LEPROTL1: variants seen among roughly 807,000 people sequenced by gnomAD.
LEPROTL1 encodes leptin receptor overlapping transcript-like 1.
LEPROTL1 carries 6 observed loss-of-function variants against 15.4 expected under a neutral mutation model. The ratio of observed to expected loss-of-function variants is 0.39; its 90% confidence interval spans 0.21 to 0.77. LEPROTL1 has a LOEUF of 0.77. Ranked by LOEUF, LEPROTL1 falls within the 30% of genes least tolerant of loss-of-function variation. The pLI is 0.41. For missense variants in LEPROTL1, 128 were observed against 158.1 expected, an observed-to-expected ratio of 0.81 and a Z score of 1.02; for synonymous variants, 56 against 52.6, an observed-to-expected ratio of 1.06 and a Z score of -0.28.
chr8:30,130,968 C>T (rs1419225643), intron 3 of LEPROTL1, among the ~76,000 whole-genome samples: 5 of 151,564 alleles, frequency 3.3e-5, no homozygotes, highest in Non-Finnish European at 5.9e-5. Context: ...TTAGAAGAGA[C>T]GGGGTTTCAC....
At chr8:30,103,979 A>G (rs531244843) in intron 2 of LEPROTL1, among the ~76,000 whole-genome samples, 1 of 152,294 alleles carries the variant, frequency 6.6e-6, no homozygotes, top group South Asian at 2.1e-4. Context: ...ACATAACCAT[A>G]GTTATCAAAA....
intron 3 of LEPROTL1, among the ~76,000 whole-genome samples, chr8:30,116,229 G>T (rs1011633794): frequency 4.6e-5 from 7 of 151,774 alleles, no homozygotes; most frequent in Non-Finnish European, 8.8e-5. Context: ...GACAGAGTGA[G>T]ACCCTGTCTT....
At chr8:30,125,469 T>C (rs1802890558) in intron 3 of LEPROTL1, among the ~76,000 whole-genome samples, 1 of 152,230 alleles carries the variant, frequency 6.6e-6, no homozygotes, top group Non-Finnish European at 1.5e-5. Flanking sequence ...TGCCGGGTGT[T>C]TATAAAGAAC....
At chr8:30,131,944 C>G in intron 3 of LEPROTL1, 1 of 1,541,700 alleles carries the variant, frequency 6.5e-7, no homozygotes, top group East Asian at 2.5e-5. Context: ...GGAAAGATGT[C>G]AGTTACATTT....
chr8:30,113,107 CAA>C (rs578198019), downstream of LEPROTL1, among the ~76,000 whole-genome samples: 297 of 95,396 alleles, frequency 3.1e-3, no homozygotes, highest in Non-Finnish European at 4.0e-3. Context: ...CCCGTCTCTC[CAA>C]AAAAAAAAAA....
At chr8:30,099,437 C>CAAA (rs1379040016) in intron 1 of LEPROTL1, among the ~76,000 whole-genome samples, 14 of 131,806 alleles carry the variant, frequency 1.1e-4, no homozygotes, top group African/African-American at 3.8e-4. Flanking sequence ...ACTAAAAATA[C>CAAA]AAAAAAAAAA....
At chr8:30,130,404 T>C (rs1802984267) in intron 3 of LEPROTL1, among the ~76,000 whole-genome samples, 1 of 152,200 alleles carries the variant, frequency 6.6e-6, no homozygotes, top group Non-Finnish European at 1.5e-5. Context: ...TAAAGAAAAA[T>C]GGTAATTACA....
Position 30,107,376 on chromosome 8 carries a change from TG to T in LEPROTL1, c.*1515del. 1.0e-6 allele frequency: 1 copy of T among 985,636 alleles called. No homozygotes were observed. The highest frequency in any genetic ancestry group is 1.2e-6 in the Non-Finnish European group (1 of 829,682). 61.1% of individuals were successfully genotyped at this position (985,636 alleles called of 1,614,324 possible). On this transcript the variant is annotated 3_prime_UTR_variant, in exon 4 of 4. Transcript: ENST00000321250. ...CTGACAGTATTTTGTTAAGGATATT[TG>T]TTTGTATGTTTATTCAGTATACTTA...
intron 3 of LEPROTL1, among the ~76,000 whole-genome samples, chr8:30,119,823 C>T (rs1802800825): frequency 6.6e-6 from 1 of 152,138 alleles, no homozygotes; most frequent in South Asian, 2.1e-4. Flanking sequence ...AATCCCAGCA[C>T]TTTGGGAGGC....
intron 3 of LEPROTL1, among the ~76,000 whole-genome samples, chr8:30,121,243 T>G (rs1802825021): frequency 1.3e-5 from 2 of 151,858 alleles, no homozygotes; most frequent in South Asian, 2.1e-4. Context: ...GTTTTGTTTT[T>G]GTTTTTGTTT....
chr8:30,117,005 A>T (rs900689810), intron 3 of LEPROTL1, among the ~76,000 whole-genome samples: 1 of 152,188 alleles, frequency 6.6e-6, no homozygotes, highest in Non-Finnish European at 1.5e-5. Flanking sequence ...GGAGAAAAAA[A>T]ACCATACATT....
At chr8:30,132,753 G>A (rs138538560) in intron 4 of LEPROTL1, 1 of 1,551,742 alleles carries the variant, frequency 6.4e-7, no homozygotes, top group Non-Finnish European at 8.7e-7. Flanking sequence ...GCAAGTAGCT[G>A]AAATAGGGCA....
chr8:30,108,039 A>T lies in LEPROTL1; in HGVS notation c.*2177A>T, dbSNP rs780710532. On this transcript the variant is annotated 3_prime_UTR_variant, in exon 4 of 4. Coordinates refer to ENST00000321250, the MANE Select transcript of LEPROTL1 (RefSeq NM_015344.3). Reference sequence around the variant, plus strand: ...TTCTATGGAAAGAAAACTTTTGATGATGAAACAATAAAGATTTTAAATATC... The same window carrying T: ...TTCTATGGAAAGAAAACTTTTGATGTTGAAACAATAAAGATTTTAAATATC... 1.7e-5 allele frequency: 15 copies of T among 904,104 alleles called. No homozygotes were observed. Among genetic ancestry groups the T allele is most frequent in the Non-Finnish European group, 2.0e-5 (15 of 756,026 alleles). The allele number at this position is 904,104 out of a possible 1,614,324, so 56.0% of individuals were successfully genotyped here.
At chr8:30,096,549 C>T (rs1802370588) in intron 1 of LEPROTL1, 1 of 215,150 alleles carries the variant, frequency 4.6e-6, no homozygotes, top group African/African-American at 2.4e-5. Flanking sequence ...ATTTCATTTC[C>T]CATATAAAAC....
chr8:30,116,444 G>C (rs1026886090), intron 3 of LEPROTL1, among the ~76,000 whole-genome samples: 1 of 152,168 alleles, frequency 6.6e-6, no homozygotes. Flanking sequence ...TTCTCATAAG[G>C]AGCGCGCAAC....
Position 30,096,335 on chromosome 8 carries a change from A to T in LEPROTL1, c.16+807A>T, listed in dbSNP as rs548180732. On this transcript the variant is annotated intron_variant, in intron 1 of 3. Transcript: ENST00000321250. ...AGGTAGTTTTGTTGTCAGTGTGATG[A>T]GAAGCAAAGTTTTCAGCTACTGCTT... is the stretch of plus-strand genomic sequence containing the variant. 2.5e-5 allele frequency: 25 copies of T among 985,044 alleles called. No individual in the cohort carries two copies. The African/African-American group carries it at 4.0e-4, about 16-fold the overall frequency. 61.0% of individuals were successfully genotyped at this position (985,044 alleles called of 1,614,324 possible).
chr8:30,125,236 A>G (rs1802887540), intron 3 of LEPROTL1, among the ~76,000 whole-genome samples: 1 of 152,226 alleles, frequency 6.6e-6, no homozygotes, highest in South Asian at 2.1e-4. Flanking sequence ...TTGTCCCTGG[A>G]AACGAGCCAG....
chr8:30,109,721 T>C (rs1023915484), downstream of LEPROTL1, among the ~76,000 whole-genome samples: 4 of 152,100 alleles, frequency 2.6e-5, no homozygotes, highest in African/African-American at 9.7e-5. Context: ...AAGAAAAAAA[T>C]AAGGCAACCA....
At chr8:30,119,067 T>C (rs1452732469) in intron 3 of LEPROTL1, among the ~76,000 whole-genome samples, 3 of 152,210 alleles carry the variant, frequency 2.0e-5, no homozygotes, top group Non-Finnish European at 4.4e-5. Flanking sequence ...TACCCAGCTT[T>C]CCAGGGCAGA....
Sources: allele counts gnomAD v4.1 joint callset (sites outside exome capture counted in the v4.1 genomes callset), GRCh38; gene constraint gnomAD v4.1.1; transcripts MANE v1.5; gene names NCBI Gene and HGNC (gene_info 2026-07-23, HGNC 2026-07-21).